The following TAGLN variants were observed in gnomAD, a reference collection of about 807,000 sequenced individuals.
TAGLN encodes the protein 22 kDa actin-binding protein.
Under a neutral mutation model 21.9 loss-of-function variants are expected in TAGLN, and 16 were observed. The ratio of observed to expected loss-of-function variants is 0.73; its 90% CI spans 0.49 to 1.11. TAGLN has a LOEUF of 1.11. Among genes scored for constraint, TAGLN ranks in the 50% least tolerant of loss-of-function variants. The pLI is 0.00. For missense variants in TAGLN, 248 were observed against 263.2 expected, an observed-to-expected ratio of 0.94 and a Z score of 0.40; for synonymous variants, 96 against 94.9, an observed-to-expected ratio of 1.01 and a Z score of -0.06.
At chr11:117,200,203 G>C (rs2031031595) in intron 1 of TAGLN, 2 of 152,194 alleles carry the variant, frequency 1.3e-5, no homozygotes, top group Admixed American at 6.5e-5. Flanking sequence ...GGCCACTCCT[G>C]TTTGTCCGTG....
chr11:117,202,809 C>T, intron 1 of TAGLN, 193 bp from the exon 2 acceptor site: 3 of 457,398 alleles, frequency 6.6e-6, no homozygotes, highest in Non-Finnish European at 1.2e-5. Flanking sequence ...GACCTGGTAT[C>T]CTCTTTCCTG....
Position 117,206,294 on chromosome 11 carries a change from A to G in TAGLN, c.*1935A>G. The G allele has an allele frequency of 5.0e-6, 8 of 1,614,192 alleles. No homozygotes were observed. Among genetic ancestry groups the G allele is most frequent in the East Asian group, 2.2e-5 (1 of 44,884 alleles). ...TGGAAGCCACATTCCTCTGGCTCAA[A>G]TATACTTCCAGCATGTAGTAAACAG... On this transcript the variant is annotated 3_prime_UTR_variant, in exon 5 of 5. Transcript: ENST00000392951.
intron 1 of TAGLN, chr11:117,201,460 C>T (rs369396791): frequency 6.6e-6 from 1 of 152,148 alleles, no homozygotes; most frequent in South Asian, 2.1e-4. Flanking sequence ...AGGGCAGGCT[C>T]TCTCCCTGGT....
At chr11:117,200,349 G>C (rs908301022) in intron 1 of TAGLN, 5 of 152,330 alleles carry the variant, frequency 3.3e-5, no homozygotes, top group Non-Finnish European at 5.9e-5. Context: ...GCTGGTAGGG[G>C]GTGCCACCTT....
rs1393214117 is a variant in TAGLN at position 117,206,924 on chromosome 11, CTG to C, written c.*2568_*2569del. 2.1e-6 allele frequency: 2 copies of C among 951,348 alleles called. No homozygotes were observed. Among genetic ancestry groups the C allele is most frequent in the South Asian group, 1.3e-5 (1 of 74,392 alleles). The allele number at this position is 951,348 out of a possible 1,614,324, so 58.9% of individuals were successfully genotyped here. On this transcript the variant is annotated 3_prime_UTR_variant, in exon 5 of 5. Transcript: ENST00000392951. ...CCACAGCAAAAAGGAGAGGCCCAGA[CTG>C]TGAGTTCCCAGCCCGGGGCTCCATC...
At chr11:117,202,477 C>T (rs2134270544) in intron 1 of TAGLN, 1 of 152,342 alleles carries the variant, frequency 6.6e-6, no homozygotes, top group Admixed American at 6.5e-5. Context: ...ACACCCGCAG[C>T]TGGACAAAGG....
rs1261327966 is a variant in TAGLN, at chr11:117,205,990, CCT to C, written c.*1632_*1633del. ...AAGAGCCTGTCCCACACTGTCAGGC[CCT>C]GAGGTCAGCAGATCTGCTCCTCCTT... is the stretch of plus-strand genomic sequence containing the variant. On this transcript the variant is annotated 3_prime_UTR_variant, in exon 5 of 5. Transcript: ENST00000392951. 9.3e-7 allele frequency: 1 copy of C among 1,073,862 alleles called. No individual in the cohort carries two copies. Among genetic ancestry groups the C allele is most frequent in the Non-Finnish European group, 1.3e-6 (1 of 751,682 alleles). 66.5% of individuals were successfully genotyped at this position (1,073,862 alleles called of 1,614,324 possible). A position where few individuals can be genotyped will look rare whatever the true frequency, so the allele number is the denominator to read the frequency against.
chr11:117,203,508 G>A lies in TAGLN; in HGVS notation c.358+24G>A, dbSNP rs1277783455. Reference sequence around the variant, plus strand: ...AGGTAGAGAGGAAGAGGCTGGGGGAGGAGGTGGGCAGGAGGACAGGGTGCT... The same window carrying A: ...AGGTAGAGAGGAAGAGGCTGGGGGAAGAGGTGGGCAGGAGGACAGGGTGCT... On this transcript the variant is annotated intron_variant, in intron 3 of 4. Transcript: ENST00000392951. This position sits in a 1 kb window ranked among gnomAD's most constrained non-coding sequence, Gnocchi z 4.4. The A allele has an allele frequency of 1.9e-6, 3 of 1,610,380 alleles. No individual in the cohort carries two copies. The African/African-American group carries it at 4.0e-5, about 22-fold the overall frequency.
In TAGLN at chr11:117,203,315, C is replaced by T. The variant is rs1324684004; in HGVS notation, c.189C>T (p.Ser63=). The T allele has an allele frequency of 1.9e-6, 3 of 1,614,030 alleles. No homozygotes were observed. Among genetic ancestry groups the T allele is most frequent in the East Asian group, 2.2e-5 (1 of 44,896 alleles). ...QVWLKNGVIL[S]KLVNSLYPDG... is the part of the protein sequence containing the mutation. ...TGCCCTATGCCTGGTAGATTCTGAGCAAGCTGGTGAACAGCCTGTACCCTG... is the reference window on the plus strand; with the variant it reads ...TGCCCTATGCCTGGTAGATTCTGAGTAAGCTGGTGAACAGCCTGTACCCTG... The change falls in exon 3 of 5, where the codon AGC becomes AGT. Residue 63 remains serine (S), a synonymous_variant. Transcript: ENST00000392951. This position sits in a 1 kb window ranked among gnomAD's most constrained non-coding sequence, Gnocchi z 4.4.
rs1042839221 is a variant in TAGLN, at chr11:117,204,993, C to T, written c.*634C>T. 2.1e-5 allele frequency: 4 copies of T among 194,894 alleles called. No homozygotes were observed. The highest frequency in any genetic ancestry group is 4.7e-5 in the African/African-American group (2 of 42,914). The allele number at this position is 194,894 out of a possible 1,614,324, so 12.1% of individuals were successfully genotyped here. On this transcript the variant is annotated 3_prime_UTR_variant, in exon 5 of 5. Coordinates refer to ENST00000392951, the MANE Select transcript of TAGLN (RefSeq NM_003186.5). ...GAACAGGAGAGTGAATCTTGGGGACCGAAGGGAAAAAGGAGCCACTCAGCA... is the reference window on the plus strand; with the variant it reads ...GAACAGGAGAGTGAATCTTGGGGACTGAAGGGAAAAAGGAGCCACTCAGCA...
chr11:117,203,376 C>G lies in TAGLN; in HGVS notation c.250C>G (p.Pro84Ala), dbSNP rs752292029. ...SKPVKVPENP[P>A]SMVFKQMEQV... The stretch of plus-strand genomic sequence containing the variant: ...GCCGGTGAAGGTGCCCGAGAACCCA[C>G]CCTCCATGGTCTTCAAGCAGATGGA... Residue 84 changes from proline (P) to alanine (A), a missense_variant, in exon 3 of 5, where the codon CCC becomes GCC. Physicochemically the swap from Pro to Ala is conservative, Grantham distance 27 (BLOSUM62 -1). Transcript: ENST00000392951. The surrounding 1 kb of genome is among the most constrained non-coding windows in gnomAD (Gnocchi z 4.4). The G allele has an allele frequency of 1.2e-6, 2 of 1,614,190 alleles. No individual in the cohort carries two copies. The highest frequency in any genetic ancestry group is 1.1e-5 in the South Asian group (1 of 91,088).
chr11:117,200,662 G>A (rs147530184), intron 1 of TAGLN, among the ~76,000 whole-genome samples: 105 of 152,324 alleles, frequency 6.9e-4, no homozygotes, highest in Non-Finnish European at 4.3e-4. Flanking sequence ...CTGGGTGGGA[G>A]TGGGGATGGT....
At chr11:117,199,294 C>T (rs1384872624), upstream of TAGLN, 3 of 152,234 alleles carry the variant, frequency 2.0e-5, no homozygotes, top group Non-Finnish European at 4.4e-5. Context: ...GGGAGGGGGC[C>T]GAGGAGCGAG....
Position 117,204,969 on chromosome 11 carries a change from A to G in TAGLN, c.*610A>G, listed in dbSNP as rs17120434. 8,093 of 195,876 alleles carry G rather than the reference A, an allele frequency of 0.041. 671 individuals are homozygous for G. Among genetic ancestry groups the G allele is most frequent in the African/African-American group, 0.18 (7,611 of 42,962 alleles). The allele number at this position is 195,876 out of a possible 1,614,324, so 12.1% of individuals were successfully genotyped here. ...TTCTTTCAGAGGAAACAGGCCATAG[A>G]ACAGGAGAGTGAATCTTGGGGACCG... is the stretch of plus-strand genomic sequence containing the variant. On this transcript the variant is annotated 3_prime_UTR_variant, in exon 5 of 5. Transcript: ENST00000392951.
rs535618801 is a variant in TAGLN at position 117,206,230 on chromosome 11, G to C, written c.*1871G>C. On this transcript the variant is annotated 3_prime_UTR_variant, in exon 5 of 5. Coordinates refer to ENST00000392951, the MANE Select transcript of TAGLN (RefSeq NM_003186.5). ...CCTTCCTCCTTGGCTTTCCGGCTCC[G>C]ATGGGGCCAGTGGCAGGGTCCACTC... 6.2e-7 allele frequency: 1 copy of C among 1,614,154 alleles called. No homozygotes were observed. Among genetic ancestry groups the C allele is most frequent in the East Asian group, 2.2e-5 (1 of 44,876 alleles).
chr11:117,200,899 T>TG (rs1410590901), intron 1 of TAGLN, among the ~76,000 whole-genome samples: 70 of 149,030 alleles, frequency 4.7e-4, no homozygotes, highest in Admixed American at 4.7e-3. Context: ...GCAGGTGGAG[T>TG]GGGGGTAGAA....
In TAGLN at chr11:117,204,229, A is replaced by G. The variant is rs201243344; in HGVS notation, c.476A>G (p.His159Arg). The change falls in exon 5 of 5, where the codon CAT becomes CGT. Residue 159 changes from histidine to arginine, a missense_variant. Physicochemically the swap from His to Arg is conservative, Grantham distance 29. Transcript: ENST00000392951. ...TCCTCTTCTAGGAAAGCGCAGGAGC[A>G]TAAGAGGGAATTCACAGAGAGCCAG... is the stretch of plus-strand genomic sequence containing the variant. Reference protein sequence around the residue: ...PNWFMKKAQEHKREFTESQLQ... With the variant: ...PNWFMKKAQERKREFTESQLQ... The G allele has an allele frequency of 6.2e-6, 10 of 1,614,262 alleles. No homozygotes were observed. The East Asian group carries it at 6.7e-5, about 11-fold the overall frequency.
intron 1 of TAGLN, chr11:117,202,194 G>C (rs961435683): frequency 6.6e-6 from 1 of 152,262 alleles, no homozygotes; most frequent in Non-Finnish European, 1.5e-5. Context: ...GTAGCCTTAC[G>C]AGAGCGTAAG....
At position 117,203,027 on chromosome 11, in the gene TAGLN, GTCCT is replaced by G. The variant is rs1361125632; in HGVS notation, c.19_22del (p.Ser7MetfsTer3). 6.4e-7 allele frequency: 1 copy of G among 1,571,532 alleles called. No homozygotes were observed. The highest frequency in any genetic ancestry group is 2.2e-5 in the East Asian group (1 of 44,626). On this transcript the variant is annotated frameshift_variant, in exon 2 of 5. Transcript: ENST00000392951. LOFTEE classifies it high-confidence loss of function. This position sits in a 1 kb window ranked among gnomAD's most constrained non-coding sequence, Gnocchi z 4.4. ...CTTTCCCCAGACATGGCCAACAAGG[GTCCT>G]TCCTATGGCATGAGCCGCGAAGTGC...
Sources: gnomAD v4.1 joint callset for allele counts (sites outside exome capture counted in the v4.1 genomes callset) on GRCh38, gnomAD v4.1.1 for gene constraint, Gnocchi (gnomAD v3.1) non-coding constraint, MANE v1.5 for transcripts, NCBI Gene and HGNC (gene_info 2026-07-23, HGNC 2026-07-21) for gene names.